Variants in CSMD1 observed in about 807,000 individuals in gnomAD.
CSMD1 encodes the protein CUB and sushi domain-containing protein 1.
CSMD1 carries 213 observed loss-of-function variants against 417.5 expected under a neutral mutation model. The ratio of observed to expected loss-of-function variants is 0.51; its 90% CI spans 0.46 to 0.57. The LOEUF (loss-of-function observed/expected upper bound fraction) is 0.57, where lower values mean the gene tolerates loss of function less well. Among genes scored for constraint, CSMD1 ranks in the 20% least tolerant of loss-of-function variants. CSMD1 has a pLI of 0.00. For synonymous variants in CSMD1, 2,862 were observed against 1,736.8 expected (o/e 1.65, Z -16.11); for missense variants, 6,923 against 4,529.7 (o/e 1.53, Z -15.17).
chr8:3,173,871 A>C (rs1002058781), intron 37 of CSMD1, among the ~76,000 whole-genome samples: 1 of 152,178 alleles, frequency 6.6e-6, no homozygotes, highest in Non-Finnish European at 1.5e-5. Flanking sequence ...GGATTATTGT[A>C]ATTATAGGGG....
intron 3 of CSMD1, among the ~76,000 whole-genome samples, chr8:4,372,320 T>C (rs907781758): frequency 2.0e-5 from 3 of 152,146 alleles, no homozygotes; most frequent in Non-Finnish European, 4.4e-5. Context: ...GAACAGACTG[T>C]GGTAGCATTA....
intron 26 of CSMD1, chr8:3,278,820 C>T (rs1241718487): frequency 1.3e-5 from 2 of 152,110 alleles, no homozygotes; most frequent in Non-Finnish European, 2.9e-5. Flanking sequence ...AAGACACCAG[C>T]TTGATTTAGT....
intron 1 of CSMD1, among the ~76,000 whole-genome samples, chr8:4,941,349 C>A (rs1807986334): frequency 6.6e-6 from 1 of 152,034 alleles, no homozygotes; most frequent in Non-Finnish European, 1.5e-5. Context: ...GTTTTGAGTA[C>A]TAAAATATGA....
At chr8:3,963,028 C>T (rs940513910) in intron 5 of CSMD1, among the ~76,000 whole-genome samples, 3 of 152,070 alleles carry the variant, frequency 2.0e-5, no homozygotes, top group African/African-American at 4.8e-5. Flanking sequence ...CCTCTGCCTC[C>T]GAGGTTCAAG....
At position 4,416,492 on chromosome 8, in the gene CSMD1, T is replaced by C. The variant is rs570374717; in HGVS notation, c.415+3461A>G. Among the ~76,000 whole-genome samples the C allele has an allele frequency of 3.6e-4, 55 of 152,224 alleles. 1 individual carries two copies. Among genetic ancestry groups the C allele is most frequent in the African/African-American group, 1.1e-3 (47 of 41,566 alleles). ...GTGCATTAAAATTGATATTTAGACT[T>C]TAGAACCAAAATAATGAACATTTTG... On this transcript the variant is annotated intron_variant, in intron 3 of 69. Coordinates refer to ENST00000635120, the MANE Select transcript of CSMD1 (RefSeq NM_033225.6).
At chr8:3,791,838 T>TA (rs112221595) in intron 5 of CSMD1, among the ~76,000 whole-genome samples, 40,608 of 145,404 alleles carry the variant, frequency 0.28, 6,030 homozygotes, top group African/African-American at 0.43. Flanking sequence ...ATAATAATAA[T>TA]AAAAAAATAA....
At chr8:3,477,687 C>G (rs943938014) in intron 11 of CSMD1, among the ~76,000 whole-genome samples, 2 of 152,268 alleles carry the variant, frequency 1.3e-5, no homozygotes, top group Admixed American at 6.5e-5. Flanking sequence ...TTTGATAAGC[C>G]AAACCAGAAG....
intron 7 of CSMD1, among the ~76,000 whole-genome samples, chr8:3,629,801 G>A (rs571981416): frequency 1.3e-5 from 2 of 152,280 alleles, no homozygotes; most frequent in South Asian, 2.1e-4. Flanking sequence ...ATAAGGAAAG[G>A]CTAAAAGACA....
chr8:3,119,361 T>C (rs1312266919), intron 41 of CSMD1, among the ~76,000 whole-genome samples: 3 of 133,552 alleles, frequency 2.2e-5, no homozygotes, highest in Non-Finnish European at 4.7e-5. Flanking sequence ...GGAAAATCCA[T>C]TGCAGTTTTT....
chr8:3,999,996 C>G (rs1815540632), intron 4 of CSMD1, among the ~76,000 whole-genome samples: 1 of 152,186 alleles, frequency 6.6e-6, no homozygotes, highest in Non-Finnish European at 1.5e-5. Context: ...GTAGTGTTTC[C>G]TTTTAAAAGT....
At chr8:4,437,167 A>G (rs1798195471) in intron 2 of CSMD1, among the ~76,000 whole-genome samples, 1 of 152,250 alleles carries the variant, frequency 6.6e-6, no homozygotes, top group African/African-American at 2.4e-5. Context: ...CCAATCCAAC[A>G]AAACAAAGCA....
At chr8:4,092,314 G>T (rs528827123) in intron 3 of CSMD1, among the ~76,000 whole-genome samples, 2 of 152,010 alleles carry the variant, frequency 1.3e-5, no homozygotes, top group Non-Finnish European at 2.9e-5. Flanking sequence ...TCCTGGCTTC[G>T]TCCTTTCCTG....
chr8:3,988,386 T>C (rs978020028), intron 5 of CSMD1, among the ~76,000 whole-genome samples: 1 of 152,198 alleles, frequency 6.6e-6, no homozygotes, highest in African/African-American at 2.4e-5. Context: ...CCTGAAATTA[T>C]TATGAATGAT....
At chr8:4,214,776 C>T (rs935499953) in intron 3 of CSMD1, among the ~76,000 whole-genome samples, 1 of 152,038 alleles carries the variant, frequency 6.6e-6, no homozygotes, top group Non-Finnish European at 1.5e-5. Context: ...TGCTGTGATG[C>T]ACATTTCAAA....
intron 5 of CSMD1, among the ~76,000 whole-genome samples, chr8:3,979,724 C>G (rs1005857028): frequency 1.3e-5 from 2 of 152,174 alleles, no homozygotes; most frequent in South Asian, 2.1e-4. Context: ...TAAGCTGGAA[C>G]CTTGATCCTA....
chr8:3,695,624 A>C (rs1271190044), intron 7 of CSMD1, among the ~76,000 whole-genome samples: 1 of 152,202 alleles, frequency 6.6e-6, no homozygotes, highest in East Asian at 1.9e-4. Flanking sequence ...GTTTCACAAA[A>C]GCATCCAGAA....
At chr8:3,112,377 T>C (rs1354931233) in intron 42 of CSMD1, among the ~76,000 whole-genome samples, 1 of 152,164 alleles carries the variant, frequency 6.6e-6, no homozygotes, top group South Asian at 2.1e-4. Context: ...CCACATTATA[T>C]ATAGTAGCAC....
intron 5 of CSMD1, among the ~76,000 whole-genome samples, chr8:3,794,173 T>A (rs1799909761): frequency 2.0e-5 from 3 of 152,192 alleles, no homozygotes; most frequent in Non-Finnish European, 4.4e-5. Context: ...GACTTTATGT[T>A]ACTCAAAGCT....
intron 10 of CSMD1, among the ~76,000 whole-genome samples, chr8:3,564,227 G>T (rs1241467809): frequency 6.6e-6 from 1 of 151,854 alleles, no homozygotes; most frequent in African/African-American, 2.4e-5. Flanking sequence ...CTCTACTATT[G>T]AATACTAGAA....
Sources: allele counts gnomAD v4.1 joint callset (sites outside exome capture counted in the v4.1 genomes callset), GRCh38; gene constraint gnomAD v4.1.1; transcripts MANE v1.5; gene names NCBI Gene and HGNC (gene_info 2026-07-23, HGNC 2026-07-21).